Variants in GRM8 observed in about 807,000 individuals in gnomAD.
GRM8 encodes the protein metabotropic glutamate receptor 8.
GRM8 carries 47 observed loss-of-function variants against 87.2 expected under a neutral mutation model. The observed-to-expected ratio is 0.54, with a 90% CI of 0.43 to 0.69. The LOEUF is 0.69. Ranked by LOEUF, GRM8 falls within the 30% of genes least tolerant of loss-of-function variation. The pLI is 0.00. For missense variants in GRM8, 1,019 were observed against 1,139.2 expected, an observed-to-expected ratio of 0.89 and a Z score of 1.52; for synonymous variants, 396 against 404.5, an observed-to-expected ratio of 0.98 and a Z score of 0.25.
chr7:126,960,454 T>A (rs1809191311), intron 3 of GRM8, among the ~76,000 whole-genome samples: 1 of 152,188 alleles, frequency 6.6e-6, no homozygotes, highest in Non-Finnish European at 1.5e-5. Context: ...TCAACAAGAA[T>A]GAACAAACAA....
intron 3 of GRM8, among the ~76,000 whole-genome samples, chr7:127,080,096 A>C (rs920874727): frequency 2.6e-5 from 4 of 152,222 alleles, no homozygotes; most frequent in African/African-American, 9.7e-5. Context: ...TGAGACAGGA[A>C]GATGATCCCA....
chr7:126,474,798 T>A (rs1282448504), intron 9 of GRM8, among the ~76,000 whole-genome samples: 1 of 151,984 alleles, frequency 6.6e-6, no homozygotes, highest in Non-Finnish European at 1.5e-5. Flanking sequence ...ATCAAGTGGG[T>A]TTTATCCCTG....
chr7:127,238,306 ATG>A (rs3039798), intron 2 of GRM8, among the ~76,000 whole-genome samples: 4,448 of 146,448 alleles, frequency 0.03, 104 homozygotes, highest in African/African-American at 0.062. Flanking sequence ...GTGTGTGTGC[ATG>A]TGTGTGTGTG....
chr7:126,587,121 A>T (rs1796217528), intron 8 of GRM8, among the ~76,000 whole-genome samples: 1 of 152,206 alleles, frequency 6.6e-6, no homozygotes, highest in African/African-American at 2.4e-5. Flanking sequence ...TCAAAACCAC[A>T]ATGAGATACC....
At chr7:126,580,690 C>A (rs574741657) in intron 8 of GRM8, among the ~76,000 whole-genome samples, 3 of 152,062 alleles carry the variant, frequency 2.0e-5, no homozygotes, top group Non-Finnish European at 4.4e-5. Flanking sequence ...ATAGTTTCCT[C>A]TTCTATAAAA....
At chr7:126,528,274 T>A (rs912104829) in intron 9 of GRM8, among the ~76,000 whole-genome samples, 1 of 152,180 alleles carries the variant, frequency 6.6e-6, no homozygotes, top group Non-Finnish European at 1.5e-5. Flanking sequence ...TCTGCTCAGA[T>A]ATGGTCTAAA....
chr7:127,198,463 T>C (rs1795408968), intron 2 of GRM8, among the ~76,000 whole-genome samples: 1 of 152,176 alleles, frequency 6.6e-6, no homozygotes, highest in African/African-American at 2.4e-5. Flanking sequence ...CATCTCCTTG[T>C]ACAGCTGCTG....
intron 6 of GRM8, among the ~76,000 whole-genome samples, chr7:126,901,728 G>A (rs1253635108): frequency 2.0e-5 from 3 of 152,222 alleles, no homozygotes; most frequent in Admixed American, 2.0e-4. Flanking sequence ...TTCAAGTTGT[G>A]TAGTTTTCAG....
At chr7:127,208,784 C>T (rs996252829) in intron 2 of GRM8, among the ~76,000 whole-genome samples, 1 of 151,308 alleles carries the variant, frequency 6.6e-6, no homozygotes, top group Non-Finnish European at 1.5e-5. Flanking sequence ...TTACCAGTCT[C>T]TCCTCCACCA....
intron 9 of GRM8, among the ~76,000 whole-genome samples, chr7:126,479,788 A>T (rs184054535): frequency 6.6e-6 from 1 of 152,180 alleles, no homozygotes; most frequent in Non-Finnish European, 1.5e-5. Flanking sequence ...AGATAGAACC[A>T]CTGTGTTATA....
chr7:126,528,961 A>G (rs1426830184), intron 9 of GRM8, among the ~76,000 whole-genome samples: 1 of 152,196 alleles, frequency 6.6e-6, no homozygotes, highest in Non-Finnish European at 1.5e-5. Flanking sequence ...AGGTAGATAA[A>G]TAGAGAAAAA....
chr7:127,238,050 C>T (rs1165084612), intron 2 of GRM8, among the ~76,000 whole-genome samples: 1 of 152,086 alleles, frequency 6.6e-6, no homozygotes, highest in Non-Finnish European at 1.5e-5. Flanking sequence ...TTTTTAAATT[C>T]TTTCAAAACT....
At chr7:126,790,998 G>A (rs150019842) in intron 6 of GRM8, among the ~76,000 whole-genome samples, 247 of 152,156 alleles carry the variant, frequency 1.6e-3, no homozygotes, top group African/African-American at 5.8e-3. Context: ...ATACCACCAG[G>A]GGGCCATTTG....
At chr7:127,178,070 G>A (rs1033692121) in intron 2 of GRM8, among the ~76,000 whole-genome samples, 1 of 152,134 alleles carries the variant, frequency 6.6e-6, no homozygotes, top group African/African-American at 2.4e-5. Context: ...ACCAGAGAAA[G>A]GTGAAGCCCA....
rs531584698 is a variant in GRM8, at chr7:127,177,087, G to C, written c.510+65608C>G. On this transcript the variant is annotated intron_variant, in intron 2 of 10. Transcript: ENST00000339582. ...AAGCCCTTTTCTTTCGCAGCTGGGA[G>C]GTGGGTAGCCCAGTGCAAGTTTTCT... Among the ~76,000 whole-genome samples the C allele has an allele frequency of 2.6e-5, 4 of 152,306 alleles. No homozygotes were observed. In the South Asian group the frequency reaches 8.3e-4, roughly 32 times the overall value.
Position 127,139,799 on chromosome 7 carries a change from G to A in GRM8, c.511-33087C>T, listed in dbSNP as rs11563711. On this transcript the variant is annotated intron_variant, in intron 2 of 10. Transcript: ENST00000339582. ...TCCTTAACTTTAAGCTCTTTCTATCGGAAGTTATACAGAGTGAAAAAGAGT... is the reference window on the plus strand; with the variant it reads ...TCCTTAACTTTAAGCTCTTTCTATCAGAAGTTATACAGAGTGAAAAAGAGT... Among the ~76,000 whole-genome samples the A allele has an allele frequency of 3.2e-3, 485 of 152,174 alleles. 3 individuals carry two copies. The highest frequency in any genetic ancestry group is 5.8e-3 in the Non-Finnish European group (396 of 68,032).
At chr7:126,651,054 G>A (rs748975900) in intron 7 of GRM8, among the ~76,000 whole-genome samples, 19 of 152,080 alleles carry the variant, frequency 1.2e-4, no homozygotes, top group African/African-American at 2.4e-4. Context: ...GTTCCATCAC[G>A]GAAAGGGCAG....
intron 7 of GRM8, among the ~76,000 whole-genome samples, chr7:126,713,937 C>T (rs1811421475): frequency 6.6e-6 from 1 of 151,284 alleles, no homozygotes; most frequent in African/African-American, 2.4e-5. Flanking sequence ...AATGCATAGC[C>T]TCTTTCATGA....
intron 8 of GRM8, 63 bp from the exon 9 acceptor site, chr7:126,533,950 G>C: frequency 8.2e-7 from 1 of 1,216,734 alleles, no homozygotes; most frequent in Non-Finnish European, 1.2e-6. Flanking sequence ...CCTAATCCTA[G>C]CCACGGGTTT....
Sources: allele counts gnomAD v4.1 joint callset (sites outside exome capture counted in the v4.1 genomes callset), GRCh38; gene constraint gnomAD v4.1.1; transcripts MANE v1.5; gene names NCBI Gene and HGNC (gene_info 2026-07-23, HGNC 2026-07-21).